L3MBTL2: variants seen among roughly 807,000 people sequenced by gnomAD.
L3MBTL2 encodes the protein lethal(3)malignant brain tumor-like protein 2.
L3MBTL2 carries 49 observed loss-of-function variants against 86.4 expected under a neutral mutation model. The ratio of observed to expected loss-of-function variants is 0.57; its 90% confidence interval spans 0.45 to 0.72. The LOEUF is 0.72. Among genes scored for constraint, L3MBTL2 ranks in the 30% least tolerant of loss-of-function variants. The pLI, the probability that L3MBTL2 is intolerant of heterozygous loss-of-function variation, is 0.00. For synonymous variants in L3MBTL2, 336 were observed against 350.6 expected, an observed-to-expected ratio of 0.96 and a Z score of 0.47; for missense variants, 755 against 923.7, an observed-to-expected ratio of 0.82 and a Z score of 2.37.
At chr22:41,229,023 T>C (rs2032394071) in intron 15 of L3MBTL2, among the ~76,000 whole-genome samples, 1 of 152,010 alleles carries the variant, frequency 6.6e-6, no homozygotes, top group Admixed American at 6.6e-5. Context: ...TTTGAGAGGC[T>C]GAGGTGGGAG....
chr22:41,216,585 A>C (rs1040315300), intron 4 of L3MBTL2, among the ~76,000 whole-genome samples: 5 of 152,182 alleles, frequency 3.3e-5, no homozygotes, highest in Non-Finnish European at 7.3e-5. Flanking sequence ...TATGGTTTGA[A>C]GGCAGGTTTG....
rs535714897 is a variant in L3MBTL2 at position 41,210,986 on chromosome 22, G to A, written c.262+1053G>A. On this transcript the variant is annotated intron_variant, in intron 2 of 16. Coordinates refer to ENST00000216237, the MANE Select transcript of L3MBTL2 (RefSeq NM_031488.5). The stretch of plus-strand genomic sequence containing the variant: ...TTGGAAGTCAGGGTGGGAGTGGGAA[G>A]GTAATACACGATAAAGTGACCCTGG... 3.9e-5 allele frequency among the ~76,000 whole-genome samples: 6 copies of A among 152,240 alleles called. No individual in the cohort carries two copies. The South Asian group carries it at 6.2e-4, about 16-fold the overall frequency.
rs762639588 is a variant in L3MBTL2 at position 41,217,173 on chromosome 22, A to G, written c.571A>G (p.Lys191Glu). 1.2e-6 allele frequency: 2 copies of G among 1,613,808 alleles called. No individual in the cohort carries two copies. The highest frequency in any genetic ancestry group is 2.2e-5 in the East Asian group (1 of 44,878). Residue 191 changes from lysine (K) to glutamate (E), a missense_variant, in exon 5 of 17, where the codon AAG becomes GAG. Coordinates refer to ENST00000216237, the MANE Select transcript of L3MBTL2 (RefSeq NM_031488.5). Reference sequence around the variant, plus strand: ...GAAGTTCCTGAAGGATCACAGTTACAAGGCTGCTCCCGTCAGCTGTTTCAA... The same window carrying G: ...GAAGTTCCTGAAGGATCACAGTTACGAGGCTGCTCCCGTCAGCTGTTTCAA... ...WGKFLKDHSY[K>E]AAPVSCFKHV... is the part of the protein sequence containing the mutation.
chr22:41,209,946 T>C lies in L3MBTL2; in HGVS notation c.262+13T>C. ...GGTTCTGAGCCAGGTGCCTTCAGAG[T>C]GTCCCCTGAGGATGGAGAGGAGATA... On this transcript the variant is annotated intron_variant, in intron 2 of 16. Coordinates refer to ENST00000216237, the MANE Select transcript of L3MBTL2 (RefSeq NM_031488.5). 1 of 1,612,314 alleles carries C rather than the reference T, an allele frequency of 6.2e-7. No homozygotes were observed. The highest frequency in any genetic ancestry group is 8.5e-7 in the Non-Finnish European group (1 of 1,178,874).
chr22:41,217,613 G>A (rs1231114252), intron 5 of L3MBTL2: 1 of 190,586 alleles, frequency 5.2e-6, no homozygotes, highest in African/African-American at 2.4e-5. Flanking sequence ...TTCTGTAAAA[G>A]GCTCCTCGAT....
rs117774082 is a variant in L3MBTL2, at chr22:41,225,544, C to T, written c.1357-250C>T. 4.2e-3 allele frequency among the ~76,000 whole-genome samples: 638 copies of T among 152,314 alleles called. 4 individuals are homozygous for T. The highest frequency in any genetic ancestry group is 5.1e-3 in the Non-Finnish European group (344 of 68,024). On this transcript the variant is annotated intron_variant, in intron 11 of 16. Coordinates refer to ENST00000216237, the MANE Select transcript of L3MBTL2 (RefSeq NM_031488.5). The surrounding 1 kb of genome is among the most constrained non-coding windows in gnomAD (Gnocchi z 4.1). ...GGGCGCGTGTGCTCACCCAAGAACACGGTCCAACAGGATGGACGCGGCCCC... is the reference window on the plus strand; with the variant it reads ...GGGCGCGTGTGCTCACCCAAGAACATGGTCCAACAGGATGGACGCGGCCCC...
At position 41,227,048 on chromosome 22, in the gene L3MBTL2, G is replaced by A; in HGVS notation, c.1588-41G>A. On this transcript the variant is annotated intron_variant, in intron 13 of 16. Transcript: ENST00000216237. This position sits in a 1 kb window ranked among gnomAD's most constrained non-coding sequence, Gnocchi z 6.0. ...GCCGGGGCAAGCCTGCTGGGGTAGG[G>A]AGCTGACTGGCTTGGCCACTGCCTC... The A allele has an allele frequency of 6.5e-7, 1 of 1,537,718 alleles. No homozygotes were observed. Among genetic ancestry groups the A allele is most frequent in the Non-Finnish European group, 8.8e-7 (1 of 1,131,480 alleles).
At position 41,228,060 on chromosome 22, in the gene L3MBTL2, T is replaced by C. The variant is rs1024045594; in HGVS notation, c.1888+191T>C. ...GCCTACGGGCCTTTCACCCTGTCTC[T>C]GGGGACCCAGACCATAAATAGGGAG... On this transcript the variant is annotated intron_variant, in intron 15 of 16. Coordinates refer to ENST00000216237, the MANE Select transcript of L3MBTL2 (RefSeq NM_031488.5). The C allele has an allele frequency of 5.1e-6, 5 of 985,276 alleles. No homozygotes were observed. In the Admixed American group the frequency reaches 3.1e-4, roughly 61 times the overall value. The allele number at this position is 985,276 out of a possible 1,614,324, so 61.0% of individuals were successfully genotyped here.
Position 41,224,132 on chromosome 22 carries a change from G to A in L3MBTL2, c.1055G>A (p.Arg352His), listed in dbSNP as rs1273176697. 9.9e-6 allele frequency: 16 copies of A among 1,614,002 alleles called. No individual in the cohort carries two copies. Among genetic ancestry groups the A allele is most frequent in the Non-Finnish European group, 1.3e-5 (15 of 1,180,026 alleles). The change falls in exon 9 of 17, where the codon CGC becomes CAC. Residue 352 changes from arginine (R) to histidine (H), a missense_variant. Coordinates refer to ENST00000216237, the MANE Select transcript of L3MBTL2 (RefSeq NM_031488.5). This position sits in a 1 kb window ranked among gnomAD's most constrained non-coding sequence, Gnocchi z 4.9. ...MAVVDTVIGG[R>H]LRLLYEDGDS... ...GTGGTGGACACAGTAATCGGGGGTC[G>A]CCTACGGCTCCTCTACGAGGATGGT...
rs754952611 is a variant in L3MBTL2, at chr22:41,224,131, C to T, written c.1054C>T (p.Arg352Cys). 2.5e-6 allele frequency: 4 copies of T among 1,614,104 alleles called. No individual in the cohort carries two copies. Among genetic ancestry groups the T allele is most frequent in the African/African-American group, 1.3e-5 (1 of 75,030 alleles). ...TGTGGTGGACACAGTAATCGGGGGT[C>T]GCCTACGGCTCCTCTACGAGGATGG... ...MAVVDTVIGG[R>C]LRLLYEDGDS... is the part of the protein sequence containing the mutation. Residue 352 changes from arginine (R) to cysteine (C), a missense_variant, in exon 9 of 17, where the codon CGC (arginine) becomes TGC (cysteine). Arg to Cys is a radical substitution (Grantham distance 180). Coordinates refer to ENST00000216237, the MANE Select transcript of L3MBTL2 (RefSeq NM_031488.5). This position sits in a 1 kb window ranked among gnomAD's most constrained non-coding sequence, Gnocchi z 4.9.
intron 1 of L3MBTL2, 65 bp from the exon 2 acceptor site, chr22:41,209,631 T>C (rs139437): frequency 0.37 from 532,810 of 1,429,406 alleles, 102,683 homozygotes; most frequent in African/African-American, 0.56. Context: ...GATCTGCAGC[T>C]TCTCCCCCCG....
At chr22:41,219,342 C>T (rs1428924181) in intron 5 of L3MBTL2, 77 bp from the exon 6 acceptor site, 1 of 1,070,424 alleles carries the variant, frequency 9.3e-7, no homozygotes, top group Non-Finnish European at 1.5e-6. Flanking sequence ...GAGGACTTGA[C>T]TGAGGCCGTG....
chr22:41,211,449 C>T (rs1171651210), intron 2 of L3MBTL2, among the ~76,000 whole-genome samples: 1 of 151,898 alleles, frequency 6.6e-6, no homozygotes, highest in Non-Finnish European at 1.5e-5. Context: ...CAAGTGATCC[C>T]CCACCTCAGC....
At chr22:41,226,590 C>T in intron 12 of L3MBTL2, 72 bp from the exon 13 acceptor site, 1 of 1,058,422 alleles carries the variant, frequency 9.4e-7, no homozygotes, top group Non-Finnish European at 1.5e-6. Flanking sequence ...CTTCTTCAGC[C>T]ATGTGTCCTT....
chr22:41,226,507 A>C (rs1199176126), intron 12 of L3MBTL2, among the ~76,000 whole-genome samples, 155 bp from the exon 13 acceptor site: 2 of 152,212 alleles, frequency 1.3e-5, no homozygotes, highest in Non-Finnish European at 2.9e-5. Context: ...GTGCTAGAGC[A>C]GGTACTACCC....
At chr22:41,228,253 C>T (rs2032329103) in intron 15 of L3MBTL2, 1 of 985,356 alleles carries the variant, frequency 1.0e-6, no homozygotes, top group South Asian at 4.7e-5. Context: ...GAAGCTGTCT[C>T]TCCAAGGCTG....
chr22:41,228,455 A>G, intron 15 of L3MBTL2: 1 of 985,446 alleles, frequency 1.0e-6, no homozygotes, highest in Non-Finnish European at 1.2e-6. Context: ...GCCATCCTTC[A>G]GAGCCGCAGG....
chr22:41,226,815 G>A, intron 13 of L3MBTL2, 71 bp downstream of exon 13: 5 of 1,124,658 alleles, frequency 4.4e-6, no homozygotes, highest in Non-Finnish European at 5.3e-6. Context: ...GCTGTCAGTG[G>A]TGGCAGTTCC....
intron 5 of L3MBTL2, 139 bp from the exon 6 acceptor site, chr22:41,219,274 TTATCTC>T (rs1890211627): frequency 1.6e-5 from 10 of 644,890 alleles, no homozygotes; most frequent in South Asian, 4.9e-5. Context: ...CCTCATCTCT[TTATCTC>T]TAGTAGCTGG....
Sources: gnomAD v4.1 joint callset for allele counts (sites outside exome capture counted in the v4.1 genomes callset) on GRCh38, gnomAD v4.1.1 for gene constraint, Gnocchi (gnomAD v3.1) non-coding constraint, MANE v1.5 for transcripts, NCBI Gene and HGNC (gene_info 2026-07-23, HGNC 2026-07-21) for gene names.